CCSER1: variants seen among roughly 807,000 people sequenced by gnomAD.
CCSER1 encodes coiled-coil serine rich protein 1, also known as serine-rich coiled-coil domain-containing protein 1.
A neutral mutation model predicts 82.0 loss-of-function variants in CCSER1; 41 were observed. That is an observed-to-expected ratio of 0.50 (90% confidence interval 0.39 to 0.65). The LOEUF (loss-of-function observed/expected upper bound fraction) is 0.65. Among genes scored for constraint, CCSER1 ranks in the 30% least tolerant of loss-of-function variants. CCSER1 has a pLI of 0.00. For synonymous variants in CCSER1, 414 were observed against 383.9 expected (o/e 1.08, Z -0.92); for missense variants, 1,119 against 1,064.2 (o/e 1.05, Z -0.72).
chr4:91,540,506 C>G (rs570194184), intron 10 of CCSER1, among the ~76,000 whole-genome samples: 1 of 152,006 alleles, frequency 6.6e-6, no homozygotes, highest in Admixed American at 6.6e-5. Context: ...TGTGAGGCTT[C>G]TCTTTTATTC....
chr4:91,482,251 A>C (rs1757965231), intron 10 of CCSER1, among the ~76,000 whole-genome samples: 1 of 133,298 alleles, frequency 7.5e-6, no homozygotes, highest in Admixed American at 7.6e-5. Flanking sequence ...AAATACAAAA[A>C]ATTAGCCGGG....
chr4:91,458,901 A>G (rs1269819245), intron 10 of CCSER1, among the ~76,000 whole-genome samples: 1 of 152,124 alleles, frequency 6.6e-6, no homozygotes, highest in African/African-American at 2.4e-5. Context: ...TGATAGTGGC[A>G]TTTTAAAAAT....
intron 9 of CCSER1, among the ~76,000 whole-genome samples, chr4:91,033,467 A>G (rs186683686): frequency 6.6e-6 from 1 of 152,164 alleles, no homozygotes; most frequent in Admixed American, 6.6e-5. Context: ...ACCAGCCTGA[A>G]GTCAGTGTAT....
At chr4:91,263,541 A>G (rs1268935987) in intron 10 of CCSER1, among the ~76,000 whole-genome samples, 1 of 151,948 alleles carries the variant, frequency 6.6e-6, no homozygotes, top group Non-Finnish European at 1.5e-5. Context: ...ACATTTTCCT[A>G]GCTATTACCC....
At chr4:91,489,742 C>A (rs1272431986) in intron 10 of CCSER1, among the ~76,000 whole-genome samples, 1 of 151,952 alleles carries the variant, frequency 6.6e-6, no homozygotes, top group Non-Finnish European at 1.5e-5. Context: ...GAGCCGAGAT[C>A]GCTCCACTGC....
At position 90,360,790 on chromosome 4, in the gene CCSER1, A is replaced by C. The variant is rs558307876; in HGVS notation, c.1510-39246A>C. 9.2e-4 allele frequency among the ~76,000 whole-genome samples: 140 copies of C among 152,250 alleles called. 2 individuals are homozygous for C. The highest frequency in any genetic ancestry group is 1.0e-4 in the Non-Finnish European group (7 of 68,010). On this transcript the variant is annotated intron_variant, in intron 3 of 10. Coordinates refer to ENST00000509176, the MANE Select transcript of CCSER1 (RefSeq NM_001145065.2). The stretch of plus-strand genomic sequence containing the variant: ...TAATGCTTCATGGCCAACATAATGC[A>C]TATGAATTACCATACGGTTAAAGAT...
intron 3 of CCSER1, among the ~76,000 whole-genome samples, chr4:90,322,092 C>A (rs1422046635): frequency 6.6e-6 from 1 of 152,082 alleles, no homozygotes; most frequent in Non-Finnish European, 1.5e-5. Flanking sequence ...CTAATGTTTT[C>A]TTCCATAGTT....
At position 90,409,514 on chromosome 4, in the gene CCSER1, A is replaced by C. The variant is rs374303773; in HGVS notation, c.1603+9385A>C. ...GAAAAGAATTTTCAACCCAGAATTT[A>C]ATATCCAGCCAAACTAAGCTTCATA... On this transcript the variant is annotated intron_variant, in intron 4 of 10. Transcript: ENST00000509176. Among the ~76,000 whole-genome samples, 546 of 152,300 alleles carry C rather than the reference A, an allele frequency of 3.6e-3. 3 individuals are homozygous for C. Among genetic ancestry groups the C allele is most frequent in the African/African-American group, 0.011 (467 of 41,588 alleles).
intron 3 of CCSER1, among the ~76,000 whole-genome samples, chr4:90,370,920 A>T (rs1316517090): frequency 6.6e-6 from 1 of 152,058 alleles, no homozygotes; most frequent in Non-Finnish European, 1.5e-5. Context: ...ATTTGTTTAG[A>T]ATTAACATTG....
intron 8 of CCSER1, among the ~76,000 whole-genome samples, chr4:90,901,473 A>G (rs1319201374): frequency 6.6e-6 from 1 of 151,964 alleles, no homozygotes; most frequent in African/African-American, 2.4e-5. Flanking sequence ...CATTTATTAT[A>G]GGGCCATTCT....
At chr4:91,383,053 C>T (rs999906761) in intron 10 of CCSER1, among the ~76,000 whole-genome samples, 1 of 151,634 alleles carries the variant, frequency 6.6e-6, no homozygotes, top group South Asian at 2.1e-4. Flanking sequence ...ACATTTTTAA[C>T]ATAATGATAT....
intron 10 of CCSER1, among the ~76,000 whole-genome samples, chr4:91,469,257 C>A (rs17018547): frequency 0.12 from 17,678 of 152,060 alleles, 1,112 homozygotes; most frequent in African/African-American, 0.14. Flanking sequence ...GCTGAAAAAT[C>A]CTTCTGGCCT....
intron 1 of CCSER1, among the ~76,000 whole-genome samples, chr4:90,149,918 T>C (rs11935738): frequency 0.28 from 42,880 of 152,038 alleles, 7,646 homozygotes; most frequent in East Asian, 0.64. Context: ...AAACTTTTAT[T>C]GACAGGTCAA....
chr4:90,827,493 T>C (rs17017704), intron 8 of CCSER1, among the ~76,000 whole-genome samples: 9,073 of 152,104 alleles, frequency 0.06, 523 homozygotes, highest in African/African-American at 0.16. Context: ...AAAAATTTAT[T>C]TTAGAGGAAT....
At chr4:90,558,682 G>C (rs1778396306) in intron 5 of CCSER1, among the ~76,000 whole-genome samples, 1 of 152,044 alleles carries the variant, frequency 6.6e-6, no homozygotes, top group Non-Finnish European at 1.5e-5. Flanking sequence ...TTGTCTGAAA[G>C]GTAGGTAGTA....
rs371252032 is a variant in CCSER1 at position 90,228,967 on chromosome 4, TA to T, written c.-41-79276del. ...GCAAAGCCTCCAAGAAATATGGGAC[TA>T]CGTGTAAAGACGAAATCTACGTCTG... is the stretch of plus-strand genomic sequence containing the variant. On this transcript the variant is annotated intron_variant, in intron 1 of 10. Transcript: ENST00000509176. Among the ~76,000 whole-genome samples the T allele has an allele frequency of 2.0e-5, 3 of 152,328 alleles. No individual in the cohort carries two copies. In the East Asian group the frequency reaches 5.8e-4, roughly 29 times the overall value.
intron 10 of CCSER1, among the ~76,000 whole-genome samples, chr4:91,513,209 GC>G (rs1759919571): frequency 6.6e-6 from 1 of 152,078 alleles, no homozygotes; most frequent in Non-Finnish European, 1.5e-5. Context: ...AGCTTTTTAT[GC>G]ATCTATGGAG....
intron 8 of CCSER1, among the ~76,000 whole-genome samples, chr4:90,898,999 A>G (rs941782773): frequency 3.0e-4 from 45 of 151,768 alleles, no homozygotes; most frequent in African/African-American, 1.1e-3. Context: ...TGGTCATTTG[A>G]TAGGAATTTA....
chr4:91,515,284 G>A (rs1359445495), intron 10 of CCSER1, among the ~76,000 whole-genome samples: 1 of 152,042 alleles, frequency 6.6e-6, no homozygotes, highest in Admixed American at 6.6e-5. Flanking sequence ...GGGGATTGGT[G>A]TACAGACTGT....
Sources: gnomAD v4.1 joint callset for allele counts (sites outside exome capture counted in the v4.1 genomes callset) on GRCh38, gnomAD v4.1.1 for gene constraint, MANE v1.5 for transcripts, NCBI Gene and HGNC (gene_info 2026-07-23, HGNC 2026-07-21) for gene names.